The following MACROD2 variants were observed in gnomAD, a reference collection of about 807,000 sequenced individuals.
MACROD2 encodes the protein ADP-ribose glycohydrolase MACROD2.
Under a neutral mutation model 70.4 loss-of-function variants are expected in MACROD2, and 36 were observed. That is an observed-to-expected ratio of 0.51 (90% CI 0.39 to 0.68). MACROD2 has a LOEUF of 0.68. MACROD2 is among the 30% of genes least tolerant of loss of function. MACROD2 has a pLI of 0.00. For missense variants in MACROD2, 496 were observed against 538.4 expected, an observed-to-expected ratio of 0.92 and a Z score of 0.78; for synonymous variants, 172 against 178.8, an observed-to-expected ratio of 0.96 and a Z score of 0.30.
At chr20:15,571,864 G>A (rs868167951) in intron 8 of MACROD2, among the ~76,000 whole-genome samples, 1 of 152,084 alleles carries the variant, frequency 6.6e-6, no homozygotes, top group African/African-American at 2.4e-5. Flanking sequence ...ATGTCATTAA[G>A]TTTTCTGGCA....
At chr20:14,700,507 G>A (rs1386973888) in intron 5 of MACROD2, among the ~76,000 whole-genome samples, 3 of 148,034 alleles carry the variant, frequency 2.0e-5, no homozygotes, top group Non-Finnish European at 4.5e-5. Context: ...TTCTTTGACA[G>A]TTAAGACATA....
chr20:15,787,075 G>A (rs917433755), intron 8 of MACROD2, among the ~76,000 whole-genome samples: 5 of 151,928 alleles, frequency 3.3e-5, no homozygotes, highest in African/African-American at 1.2e-4. Context: ...TGGTTCAAAC[G>A]ATTCTCCTGC....
intron 8 of MACROD2, among the ~76,000 whole-genome samples, chr20:15,642,838 G>A (rs758058879): frequency 3.3e-5 from 5 of 152,028 alleles, no homozygotes; most frequent in Non-Finnish European, 4.4e-5. Flanking sequence ...CACACTGTAC[G>A]TCTCCTGCCA....
intron 13 of MACROD2, among the ~76,000 whole-genome samples, chr20:15,982,553 C>T (rs1361195731): frequency 1.3e-4 from 20 of 152,076 alleles, no homozygotes; most frequent in Admixed American, 1.3e-3. Context: ...CTGCTCCTAT[C>T]CACGTACAGC....
chr20:14,885,675 TTG>T (rs904770004), intron 5 of MACROD2, among the ~76,000 whole-genome samples: 5 of 152,188 alleles, frequency 3.3e-5, no homozygotes, highest in African/African-American at 1.2e-4. Context: ...TTATCTCCTA[TTG>T]AACCTTTGGC....
intron 12 of MACROD2, among the ~76,000 whole-genome samples, chr20:15,960,939 G>C (rs2066051625): frequency 6.6e-6 from 1 of 152,136 alleles, no homozygotes; most frequent in South Asian, 2.1e-4. Flanking sequence ...AGATGTCAGA[G>C]GTGGAGATAG....
At chr20:15,722,992 ATG>A (rs1455627499) in intron 8 of MACROD2, among the ~76,000 whole-genome samples, 4 of 152,036 alleles carry the variant, frequency 2.6e-5, no homozygotes, top group Admixed American at 2.6e-4. Context: ...TTCCTTTGTT[ATG>A]TGTCAAATGT....
intron 5 of MACROD2, among the ~76,000 whole-genome samples, chr20:14,941,700 C>T (rs1339348464): frequency 6.6e-6 from 1 of 152,042 alleles, no homozygotes; most frequent in Non-Finnish European, 1.5e-5. Context: ...ATGAAGCCAC[C>T]TTGTTTCTAA....
chr20:14,342,449 G>C (rs117044363), intron 3 of MACROD2, among the ~76,000 whole-genome samples: 238 of 152,116 alleles, frequency 1.6e-3, no homozygotes, highest in Non-Finnish European at 2.9e-3. Context: ...AGATTTTTCT[G>C]TCAACAGGTA....
At chr20:15,146,855 A>G (rs393367) in intron 5 of MACROD2, among the ~76,000 whole-genome samples, 89,249 of 151,610 alleles carry the variant, frequency 0.59, 26,362 homozygotes, top group East Asian at 0.65. Flanking sequence ...ACAAGCAAAA[A>G]GTGATAGTAA....
At chr20:14,968,579 C>T (rs578009298) in intron 5 of MACROD2, among the ~76,000 whole-genome samples, 2 of 152,256 alleles carry the variant, frequency 1.3e-5, no homozygotes, top group Admixed American at 6.5e-5. Context: ...TGGCTTGGGG[C>T]AGGGTTATGC....
intron 3 of MACROD2, among the ~76,000 whole-genome samples, chr20:14,232,842 G>A (rs1601381318): frequency 6.6e-6 from 1 of 152,220 alleles, no homozygotes; most frequent in Admixed American, 6.5e-5. Context: ...TGGCACATGA[G>A]GCCTAGCTTT....
chr20:15,923,882 C>T (rs150743759), intron 10 of MACROD2, among the ~76,000 whole-genome samples: 17 of 152,184 alleles, frequency 1.1e-4, no homozygotes, highest in East Asian at 3.9e-4. Flanking sequence ...TGTCAAATAG[C>T]GATTAGCAAA....
intron 5 of MACROD2, among the ~76,000 whole-genome samples, chr20:14,915,300 C>G (rs531639349): frequency 6.6e-6 from 1 of 152,270 alleles, no homozygotes; most frequent in South Asian, 2.1e-4. Context: ...TAATGGCATT[C>G]TGGTGTCTTC....
rs146144280 is a variant in MACROD2, at chr20:14,486,203, G to A, written c.272-7276G>A. On this transcript the variant is annotated intron_variant, in intron 3 of 17. Coordinates refer to ENST00000684519, the MANE Select transcript of MACROD2 (RefSeq NM_001351661.2). ...CACAAAGAGACAAGGAGAGGGGGAG[G>A]ATGTCAGAACCCAGAAAAAGTCATG... is the stretch of plus-strand genomic sequence containing the variant. Among the ~76,000 whole-genome samples the A allele has an allele frequency of 1.1e-3, 166 of 152,266 alleles. 1 individual carries two copies. The highest frequency in any genetic ancestry group is 6.8e-3 in the Middle Eastern group (2 of 294).
intron 3 of MACROD2, among the ~76,000 whole-genome samples, chr20:14,468,970 T>C (rs1253892410): frequency 6.6e-6 from 1 of 152,174 alleles, no homozygotes; most frequent in African/African-American, 2.4e-5. Flanking sequence ...AATTTGATCC[T>C]GGCATTATGA....
chr20:15,626,727 T>C (rs2049208034), intron 8 of MACROD2, among the ~76,000 whole-genome samples: 1 of 152,008 alleles, frequency 6.6e-6, no homozygotes, highest in Non-Finnish European at 1.5e-5. Flanking sequence ...TGGTGGTGCA[T>C]GCCTGTAGTC....
intron 6 of MACROD2, among the ~76,000 whole-genome samples, chr20:15,258,204 A>C (rs1170188781): frequency 6.6e-6 from 1 of 152,086 alleles, no homozygotes; most frequent in Non-Finnish European, 1.5e-5. Flanking sequence ...AAATTTATAC[A>C]TTAAGGTTAC....
At chr20:15,108,056 T>C (rs1246136178) in intron 5 of MACROD2, among the ~76,000 whole-genome samples, 1 of 151,876 alleles carries the variant, frequency 6.6e-6, no homozygotes, top group Admixed American at 6.6e-5. Flanking sequence ...GTAGAGGCTA[T>C]TGGTTAAGAG....
Sources: allele counts gnomAD v4.1 joint callset (sites outside exome capture counted in the v4.1 genomes callset), GRCh38; gene constraint gnomAD v4.1.1; transcripts MANE v1.5; gene names NCBI Gene and HGNC (gene_info 2026-07-23, HGNC 2026-07-21).